Variants in APBA1 observed in about 807,000 individuals in gnomAD.
The protein encoded by APBA1 is amyloid-beta A4 precursor protein-binding family A member 1.
A neutral mutation model predicts 86.6 loss-of-function variants in APBA1; 55 were observed. That is an observed-to-expected ratio of 0.64 (90% CI 0.51 to 0.80). The LOEUF is 0.80. Among genes scored for constraint, APBA1 ranks in the 30% least tolerant of loss-of-function variants. The pLI is 0.00. For synonymous variants in APBA1, 511 were observed against 493.9 expected, an observed-to-expected ratio of 1.03 and a Z score of -0.46; for missense variants, 1,090 against 1,183.0, an observed-to-expected ratio of 0.92 and a Z score of 1.15.
At position 69,567,627 on chromosome 9, in the gene APBA1, A is replaced by T. The variant is rs576543504; in HGVS notation, c.-69-50348T>A. On this transcript the variant is annotated intron_variant, in intron 1 of 12. Transcript: ENST00000265381. The stretch of plus-strand genomic sequence containing the variant: ...GTGATGTCCCCCTTCCTGTGTCCAA[A>T]TGTTCTCATTGTTCAACTTCAAGTT... 2.0e-5 allele frequency among the ~76,000 whole-genome samples: 3 copies of T among 151,856 alleles called. No individual in the cohort carries two copies. In the South Asian group the frequency reaches 6.3e-4, roughly 32 times the overall value.
intron 1 of APBA1, among the ~76,000 whole-genome samples, chr9:69,566,751 C>T (rs1254329584): frequency 6.6e-6 from 1 of 152,160 alleles, no homozygotes; most frequent in African/African-American, 2.4e-5. Flanking sequence ...CCCGAGGCGT[C>T]TTCAATGCTG....
At chr9:69,581,102 A>C (rs956829620) in intron 1 of APBA1, among the ~76,000 whole-genome samples, 2 of 152,054 alleles carry the variant, frequency 1.3e-5, no homozygotes, top group African/African-American at 4.8e-5. Context: ...ATCTCCAGAC[A>C]CCCTTTTCTG....
Position 69,516,670 on chromosome 9 carries a change from C to T in APBA1, c.541G>A (p.Glu181Lys), listed in dbSNP as rs1297433992. The T allele has an allele frequency of 1.5e-5, 24 of 1,609,582 alleles. No individual in the cohort carries two copies. The highest frequency in any genetic ancestry group is 2.0e-5 in the Non-Finnish European group (23 of 1,178,936). Residue 181 changes from glutamate (E) to lysine (K), a missense_variant, in exon 2 of 13, where the codon GAG becomes AAG. Glu to Lys is a moderately conservative substitution (Grantham distance 56). Transcript: ENST00000265381. This position sits in a 1 kb window ranked among gnomAD's most constrained non-coding sequence, Gnocchi z 7.3. Reference sequence around the variant, plus strand: ...TCGGCATAGGGCTCGGAGTAGGGCTCGTCCTCACCGCGGTGGAAGAGCCGG... The same window carrying T: ...TCGGCATAGGGCTCGGAGTAGGGCTTGTCCTCACCGCGGTGGAAGAGCCGG... ...THRLFHRGED[E>K]PYSEPYADYG... is the part of the protein sequence containing the mutation.
chr9:69,497,739 A>C (rs1835822200), intron 2 of APBA1, among the ~76,000 whole-genome samples: 1 of 152,094 alleles, frequency 6.6e-6, no homozygotes, highest in African/African-American at 2.4e-5. Context: ...GCTTTTTCTG[A>C]CATAGCCCCC....
chr9:69,643,805 T>C (rs778429523), intron 1 of APBA1, among the ~76,000 whole-genome samples: 18 of 152,172 alleles, frequency 1.2e-4, no homozygotes, highest in Admixed American at 8.5e-4. Context: ...GAAGAAATGA[T>C]CAGTCTCCTG....
intron 1 of APBA1, among the ~76,000 whole-genome samples, chr9:69,523,200 G>C (rs1265504362): frequency 6.6e-6 from 1 of 151,998 alleles, no homozygotes; most frequent in African/African-American, 2.4e-5. Context: ...GATAGAAGGG[G>C]AGGCTGTAAA....
chr9:69,516,478 C>T lies in APBA1; in HGVS notation c.733G>A (p.Glu245Lys), dbSNP rs1370653772. Residue 245 changes from glutamate to lysine, a missense_variant, in exon 2 of 13, where the codon GAG (glutamate) becomes AAG (lysine). By Grantham distance (56) the Glu-to-Lys change is moderately conservative (BLOSUM62 1). Around this residue, in one of 6 missense-constraint regions of APBA1, gnomAD observed 678 missense variants for 647.1 expected, o/e 1.05. Transcript: ENST00000265381. This position sits in a 1 kb window ranked among gnomAD's most constrained non-coding sequence, Gnocchi z 7.3. ...LHHYDERSDG[E>K]SDSPEKEAEF... ...GCCTCCTTCTCGGGGCTGTCGGACT[C>T]GCCGTCGGAGCGCTCGTCGTAATGG... 2 of 1,600,634 alleles carry T rather than the reference C, an allele frequency of 1.2e-6. No homozygotes were observed. The highest frequency in any genetic ancestry group is 1.1e-5 in the South Asian group (1 of 90,846).
chr9:69,572,990 C>A (rs12552474), intron 1 of APBA1, among the ~76,000 whole-genome samples: 9,251 of 152,058 alleles, frequency 0.061, 349 homozygotes, highest in African/African-American at 0.094. Flanking sequence ...GTACATAAAT[C>A]TTTTTTAAGA....
chr9:69,657,096 C>CG (rs1370113528), intron 1 of APBA1, among the ~76,000 whole-genome samples: 1 of 152,176 alleles, frequency 6.6e-6, no homozygotes, highest in African/African-American at 2.4e-5. Flanking sequence ...CCACCCGCCT[C>CG]GGCCTCCCAA....
At chr9:69,537,640 G>A (rs1836534566) in intron 1 of APBA1, among the ~76,000 whole-genome samples, 1 of 152,086 alleles carries the variant, frequency 6.6e-6, no homozygotes, top group South Asian at 2.1e-4. Context: ...CCTAACAGAT[G>A]TTATCAATTT....
intron 8 of APBA1, 77 bp from the exon 9 acceptor site, chr9:69,452,378 G>T: frequency 7.1e-7 from 1 of 1,403,374 alleles, no homozygotes; most frequent in Non-Finnish European, 9.9e-7. Flanking sequence ...CTTCCCACCT[G>T]AACAATGGCC....
intron 1 of APBA1, among the ~76,000 whole-genome samples, chr9:69,599,666 T>C (rs1822307372): frequency 6.6e-6 from 1 of 152,132 alleles, no homozygotes; most frequent in South Asian, 2.1e-4. Flanking sequence ...CCTGGACCAG[T>C]AGCACCAGCA....
chr9:69,432,733 G>A, intron 11 of APBA1, 57 bp from the exon 12 acceptor site: 1 of 1,403,808 alleles, frequency 7.1e-7, no homozygotes, highest in Admixed American at 2.7e-5. Context: ...GGGGCTGGAA[G>A]GCCGTCTTTC....
At chr9:69,471,988 T>C (rs985011517) in intron 3 of APBA1, among the ~76,000 whole-genome samples, 3 of 152,116 alleles carry the variant, frequency 2.0e-5, no homozygotes, top group African/African-American at 4.8e-5. Flanking sequence ...CTAACAACAA[T>C]AAAAAGGGCA....
At chr9:69,500,162 C>T (rs148131545) in intron 2 of APBA1, among the ~76,000 whole-genome samples, 1 of 152,132 alleles carries the variant, frequency 6.6e-6, no homozygotes, top group Non-Finnish European at 1.5e-5. Flanking sequence ...CCAGGATGGG[C>T]AGCCCAGTGG....
At chr9:69,568,923 T>G (rs969495955) in intron 1 of APBA1, among the ~76,000 whole-genome samples, 1 of 152,168 alleles carries the variant, frequency 6.6e-6, no homozygotes, top group African/African-American at 2.4e-5. Flanking sequence ...TTTTTAGAGG[T>G]ATACGTGAGC....
chr9:69,608,608 A>T lies in APBA1; in HGVS notation c.-70+63545T>A, dbSNP rs373825268. On this transcript the variant is annotated intron_variant, in intron 1 of 12. Coordinates refer to ENST00000265381, the MANE Select transcript of APBA1 (RefSeq NM_001163.4). ...ATGACATGCTACTTCAACATAAAAG[A>T]GGGCACAAAGGAACATCTGTAAATA... Among the ~76,000 whole-genome samples the T allele has an allele frequency of 2.0e-5, 3 of 152,366 alleles. No individual in the cohort carries two copies. The South Asian group carries it at 6.2e-4, about 32-fold the overall frequency.
Position 69,458,142 on chromosome 9 carries a change from T to A in APBA1, c.1515+14A>T. On this transcript the variant is annotated intron_variant, in intron 6 of 12. Transcript: ENST00000265381. ...AGGCATAACACCAAGCTGATGAAGT[T>A]GTTTGTACTGCACCTTCTTCCTGCT... 6.2e-7 allele frequency: 1 copy of A among 1,609,186 alleles called. No homozygotes were observed. Among genetic ancestry groups the A allele is most frequent in the Non-Finnish European group, 8.5e-7 (1 of 1,178,612 alleles).
chr9:69,542,647 T>G (rs1836632261), intron 1 of APBA1, among the ~76,000 whole-genome samples: 1 of 152,230 alleles, frequency 6.6e-6, no homozygotes, highest in Non-Finnish European at 1.5e-5. Context: ...GCAAGGAGTG[T>G]GATTGTTAGA....
Sources: gnomAD v4.1 joint callset for allele counts (sites outside exome capture counted in the v4.1 genomes callset) on GRCh38, gnomAD v4.1.1 for gene constraint, gnomAD v4.1.1 regional missense constraint, Gnocchi (gnomAD v3.1) non-coding constraint, MANE v1.5 for transcripts, NCBI Gene and HGNC (gene_info 2026-07-23, HGNC 2026-07-21) for gene names.